PCDH15: variants seen among roughly 807,000 people sequenced by gnomAD.
The protein encoded by PCDH15 is protocadherin-15.
Under a neutral mutation model 178.5 loss-of-function variants are expected in PCDH15, and 129 were observed. The ratio of observed to expected loss-of-function variants is 0.72; its 90% CI spans 0.63 to 0.84. The LOEUF is 0.84. PCDH15 is among the 40% of genes least tolerant of loss of function. The pLI, the probability that PCDH15 is intolerant of heterozygous loss-of-function variation, is 0.00. For synonymous variants in PCDH15, 800 were observed against 732.0 expected (o/e 1.09, Z -1.50); for missense variants, 2,230 against 2,099.9 (o/e 1.06, Z -1.21).
At chr10:53,808,506 A>G (rs2075740849) in intron 37 of PCDH15, 53 of 1,415,020 alleles carry the variant, frequency 3.7e-5, no homozygotes, top group Non-Finnish European at 4.9e-5. Flanking sequence ...TTACTCTAAT[A>G]CAGTCTAATA....
rs771256042 is a variant in PCDH15 at position 54,148,819 on chromosome 10, C to T, written c.1784+4281G>A. On this transcript the variant is annotated intron_variant, in intron 14 of 37. Transcript: ENST00000644397. ...ACATTAGCAGTATTTCCTGTAGACT[C>T]TTGTGCCTCTGCTCCCCTAAAATCT... is the stretch of plus-strand genomic sequence containing the variant. Among the ~76,000 whole-genome samples, 3 of 151,958 alleles carry T rather than the reference C, an allele frequency of 2.0e-5. No homozygotes were observed. In the South Asian group the frequency reaches 6.2e-4, roughly 32 times the overall value.
At chr10:54,336,251 A>T (rs1941097762) in intron 6 of PCDH15, among the ~76,000 whole-genome samples, 1 of 152,208 alleles carries the variant, frequency 6.6e-6, no homozygotes, top group African/African-American at 2.4e-5. Context: ...AGTAGAAAAG[A>T]AACACCCATT....
intron 20 of PCDH15, among the ~76,000 whole-genome samples, chr10:53,996,754 T>G (rs2091870426): frequency 6.6e-6 from 1 of 152,160 alleles, no homozygotes; most frequent in African/African-American, 2.4e-5. Flanking sequence ...ATGGCAGATT[T>G]ATTTATTTAT....
At chr10:54,302,125 A>G (rs1411699965) in intron 8 of PCDH15, among the ~76,000 whole-genome samples, 1 of 152,178 alleles carries the variant, frequency 6.6e-6, no homozygotes, top group African/African-American at 2.4e-5. Context: ...ATAATAATGA[A>G]TAGCAGTCTG....
At chr10:53,952,893 A>G (rs1270957672) in intron 23 of PCDH15, among the ~76,000 whole-genome samples, 1 of 152,370 alleles carries the variant, frequency 6.6e-6, no homozygotes, top group East Asian at 1.9e-4. Flanking sequence ...TCGGGGCTTG[A>G]TGACAGCTTT....
rs1308097438 is a variant in PCDH15, at chr10:54,378,795, A to G, written c.305T>C (p.Val102Ala). The G allele has an allele frequency of 6.2e-6, 10 of 1,613,610 alleles. No homozygotes were observed. The highest frequency in any genetic ancestry group is 8.5e-6 in the Non-Finnish European group (10 of 1,179,836). The change falls in exon 4 of 38, where the codon GTT becomes GCT. Residue 102 changes from valine to alanine, a missense_variant. Val to Ala is a moderately conservative substitution (Grantham distance 64). Coordinates refer to ENST00000644397, the MANE Select transcript of PCDH15 (RefSeq NM_001384140.1). The part of the protein sequence containing the change: ...QMLFLNSTGR[V>A]LDRDPPMNIH... Reference sequence around the variant, plus strand: ...AAAATCACTAACATCTCTATCCAGAACTCTTCCGGTGCTGTTCAGGAAAAG... The same window carrying G: ...AAAATCACTAACATCTCTATCCAGAGCTCTTCCGGTGCTGTTCAGGAAAAG...
At chr10:54,955,197 A>G (rs1838452275) in intron 2 of PCDH15, among the ~76,000 whole-genome samples, 1 of 151,312 alleles carries the variant, frequency 6.6e-6, no homozygotes. Flanking sequence ...ATTACTTAGA[A>G]GCTTGAAGGC....
intron 9 of PCDH15, among the ~76,000 whole-genome samples, chr10:54,219,098 A>G (rs564003563): frequency 7.1e-6 from 1 of 140,798 alleles, no homozygotes; most frequent in Non-Finnish European, 1.5e-5. Flanking sequence ...CTAAAAAAAA[A>G]AAAAAAAAAC....
chr10:55,515,814 T>A (rs1841000530), intron 2 of PCDH15, among the ~76,000 whole-genome samples: 1 of 152,160 alleles, frequency 6.6e-6, no homozygotes, highest in South Asian at 2.1e-4. Flanking sequence ...TCCACATGAT[T>A]GTTTACATTC....
At chr10:54,166,549 G>A (rs985733847) in intron 13 of PCDH15, among the ~76,000 whole-genome samples, 25 of 152,040 alleles carry the variant, frequency 1.6e-4, no homozygotes, top group Non-Finnish European at 1.5e-5. Flanking sequence ...AGTTTACTAG[G>A]GTTTTAAGAA....
At chr10:54,907,102 T>A (rs1954737395) in intron 2 of PCDH15, among the ~76,000 whole-genome samples, 1 of 152,164 alleles carries the variant, frequency 6.6e-6, no homozygotes, top group African/African-American at 2.4e-5. Flanking sequence ...AAAGAGATGA[T>A]TCCTTTCCAT....
intron 1 of PCDH15, among the ~76,000 whole-genome samples, chr10:54,749,382 C>A (rs1239409917): frequency 1.3e-5 from 2 of 152,002 alleles, no homozygotes; most frequent in Non-Finnish European, 2.9e-5. Context: ...AAAGTTTACC[C>A]CATTAACACT....
chr10:54,763,305 A>G (rs921915207), intron 1 of PCDH15, among the ~76,000 whole-genome samples: 2 of 152,190 alleles, frequency 1.3e-5, no homozygotes, highest in Non-Finnish European at 2.9e-5. Context: ...GCCAGAACAC[A>G]TTTCACAATT....
At chr10:54,837,178 T>C (rs1953331464) in intron 3 of PCDH15, among the ~76,000 whole-genome samples, 1 of 152,082 alleles carries the variant, frequency 6.6e-6, no homozygotes, top group Non-Finnish European at 1.5e-5. Context: ...TTTTCAAAGT[T>C]AGAATCAAAA....
intron 14 of PCDH15, among the ~76,000 whole-genome samples, chr10:54,138,597 G>A (rs2043098528): frequency 6.6e-6 from 1 of 152,176 alleles, no homozygotes; most frequent in African/African-American, 2.4e-5. Flanking sequence ...AGACTTTTGT[G>A]CTACTGCTCT....
At chr10:54,107,131 T>C (rs888792755) in intron 15 of PCDH15, among the ~76,000 whole-genome samples, 3 of 152,212 alleles carry the variant, frequency 2.0e-5, no homozygotes, top group Non-Finnish European at 4.4e-5. Flanking sequence ...ATAGAATCAA[T>C]AGCATTGATA....
At chr10:54,368,919 AT>A (rs2134707092) in intron 5 of PCDH15, among the ~76,000 whole-genome samples, 200 bp downstream of exon 5, 1 of 152,180 alleles carries the variant, frequency 6.6e-6, no homozygotes, top group African/African-American at 2.4e-5. Context: ...TAAATACATT[AT>A]TTTTCCCATA....
At chr10:54,264,315 G>A (rs993211219) in intron 8 of PCDH15, among the ~76,000 whole-genome samples, 5 of 152,122 alleles carry the variant, frequency 3.3e-5, no homozygotes, top group Non-Finnish European at 5.9e-5. Context: ...AACTCCCGCA[G>A]ATGGAAAGGA....
At chr10:54,924,754 G>C (rs1837576047) in intron 2 of PCDH15, among the ~76,000 whole-genome samples, 2 of 152,092 alleles carry the variant, frequency 1.3e-5, no homozygotes, top group African/African-American at 2.4e-5. Context: ...CTTTTAAAAA[G>C]TGTCTGTTCA....
Sources: gnomAD v4.1 joint callset for allele counts (sites outside exome capture counted in the v4.1 genomes callset) on GRCh38, gnomAD v4.1.1 for gene constraint, MANE v1.5 for transcripts, NCBI Gene and HGNC (gene_info 2026-07-23, HGNC 2026-07-21) for gene names.